ZBTB20: variants seen among roughly 807,000 people sequenced by gnomAD.
ZBTB20 encodes the protein zinc finger and BTB domain-containing protein 20.
A neutral mutation model predicts 56.9 loss-of-function variants in ZBTB20; 9 were observed. The observed-to-expected ratio is 0.16, with a 90% CI of 0.10 to 0.28. The LOEUF (loss-of-function observed/expected upper bound fraction) is 0.28, where lower values mean the gene tolerates loss of function less well. Ranked by LOEUF, ZBTB20 falls within the 10% of genes least tolerant of loss-of-function variation. ZBTB20 has a pLI of 1.00. For synonymous variants in ZBTB20, 417 were observed against 420.7 expected (o/e 0.99, Z 0.11); for missense variants, 655 against 1,003.0 (o/e 0.65, Z 4.69).
chr3:114,842,637 C>T (rs2074432151), intron 4 of ZBTB20, among the ~76,000 whole-genome samples: 1 of 152,122 alleles, frequency 6.6e-6, no homozygotes, highest in Non-Finnish European at 1.5e-5. Flanking sequence ...AGGAACACTT[C>T]TTAGAATAAG....
intron 7 of ZBTB20, among the ~76,000 whole-genome samples, chr3:114,479,376 A>G (rs1237252658): frequency 6.6e-6 from 1 of 152,196 alleles, no homozygotes; most frequent in Non-Finnish European, 1.5e-5. Flanking sequence ...TACTCACACT[A>G]ATATACTCTA....
rs1460931344 is a variant in ZBTB20 at position 114,322,496 on chromosome 3, G to C, written c.*16509C>G. On this transcript the variant is annotated 3_prime_UTR_variant, in exon 12 of 12. Transcript: ENST00000675478. ...TTGCGATCTGAAGATTAAAATCTTT[G>C]GTGACAGAACTGGAGTGGATATGCA... The C allele has an allele frequency of 6.6e-6, 1 of 152,164 alleles. No homozygotes were observed. The highest frequency in any genetic ancestry group is 1.5e-5 in the Non-Finnish European group (1 of 68,042). 9.4% of individuals were successfully genotyped at this position (152,164 alleles called of 1,614,324 possible). A position where few individuals can be genotyped will look rare whatever the true frequency, so the allele number is the denominator to read the frequency against.
At chr3:114,957,509 C>T (rs371301716) in intron 3 of ZBTB20, among the ~76,000 whole-genome samples, 10 of 152,072 alleles carry the variant, frequency 6.6e-5, no homozygotes, top group Admixed American at 6.6e-4. Flanking sequence ...TGTATGAAAA[C>T]CACTGCCGTA....
chr3:114,979,912 TA>T (rs2078263098), intron 2 of ZBTB20, among the ~76,000 whole-genome samples: 1 of 152,042 alleles, frequency 6.6e-6, no homozygotes, highest in African/African-American at 2.4e-5. Flanking sequence ...TTGGTCTGGC[TA>T]AACCCCATAC....
At chr3:114,838,765 A>G (rs370391272) in intron 4 of ZBTB20, among the ~76,000 whole-genome samples, 8 of 152,242 alleles carry the variant, frequency 5.3e-5, no homozygotes, top group African/African-American at 1.4e-4. Context: ...CCTGCCTTGG[A>G]AGGTAGCAAA....
At position 114,571,964 on chromosome 3, in the gene ZBTB20, C is replaced by G. The variant is rs567215867; in HGVS notation, c.-294-71573G>C. On this transcript the variant is annotated intron_variant, in intron 6 of 11. Coordinates refer to ENST00000675478, the MANE Select transcript of ZBTB20 (RefSeq NM_001348800.3). ...CAGTCTTCAAGACATATGTGCAAGT[C>G]CAACTACTTGTCCTGGGAGGCATTA... 3.3e-5 allele frequency among the ~76,000 whole-genome samples: 5 copies of G among 152,276 alleles called. No individual in the cohort carries two copies. The East Asian group carries it at 9.6e-4, about 29-fold the overall frequency.
At chr3:114,939,851 C>G (rs1390926324) in intron 3 of ZBTB20, among the ~76,000 whole-genome samples, 1 of 146,146 alleles carries the variant, frequency 6.8e-6, no homozygotes, top group Admixed American at 6.6e-5. Context: ...CTGGGTGACA[C>G]ACCAAGACCC....
At chr3:115,031,881 G>A (rs1293336549) in intron 2 of ZBTB20, among the ~76,000 whole-genome samples, 1 of 151,396 alleles carries the variant, frequency 6.6e-6, no homozygotes, top group African/African-American at 2.4e-5. Flanking sequence ...GGGCTTAAAT[G>A]TAATAAGTTT....
At chr3:114,551,176 C>T (rs769191954) in intron 6 of ZBTB20, among the ~76,000 whole-genome samples, 4 of 151,994 alleles carry the variant, frequency 2.6e-5, no homozygotes, top group Admixed American at 6.6e-5. Context: ...AAAATATATT[C>T]GATTGAATAT....
chr3:114,640,253 A>G (rs1351536959), intron 6 of ZBTB20, among the ~76,000 whole-genome samples: 1 of 152,020 alleles, frequency 6.6e-6, no homozygotes, highest in African/African-American at 2.4e-5. Context: ...GAAGCTCCCA[A>G]CTACCAAGCT....
intron 5 of ZBTB20, among the ~76,000 whole-genome samples, chr3:114,707,614 A>T (rs1472649051): frequency 6.6e-6 from 1 of 152,168 alleles, no homozygotes; most frequent in Non-Finnish European, 1.5e-5. Flanking sequence ...AAGGACCCTG[A>T]CCTATGAGTG....
At chr3:115,023,742 C>T (rs1424725340) in intron 2 of ZBTB20, among the ~76,000 whole-genome samples, 1 of 150,722 alleles carries the variant, frequency 6.6e-6, no homozygotes, top group African/African-American at 2.4e-5. Context: ...CCTTTTCTTT[C>T]TCTCCTTTTT....
At chr3:115,036,264 GA>G (rs200199638) in intron 2 of ZBTB20, among the ~76,000 whole-genome samples, 4 of 146,686 alleles carry the variant, frequency 2.7e-5, no homozygotes, top group South Asian at 4.3e-4. Flanking sequence ...TAAAAAAGTT[GA>G]AAAAAAAATG....
At chr3:115,124,681 G>A (rs775761560) in intron 1 of ZBTB20, among the ~76,000 whole-genome samples, 2 of 152,088 alleles carry the variant, frequency 1.3e-5, no homozygotes, top group Non-Finnish European at 2.9e-5. Context: ...CTATAAACAG[G>A]CCCTTGCAGA....
intron 4 of ZBTB20, among the ~76,000 whole-genome samples, chr3:114,803,779 G>GT (rs34171249): frequency 0.047 from 6,845 of 144,382 alleles, 405 homozygotes; most frequent in African/African-American, 0.14. Context: ...TCAACTTTCT[G>GT]TTTTTTTTTT....
chr3:114,350,815 C>T lies in ZBTB20; in HGVS notation c.1263G>A (p.Pro421=), dbSNP rs768828042. ...CACCTGTTTCTAGCTGGTTTGTCTG[C>T]GGACCACCCTCAGCGGGGGCTTCTG... ...QAAEAPAEGG[P]QTNQLETGAS... The change falls in exon 11 of 12, where the codon CCG becomes CCA. Residue 421 remains proline (P), a synonymous_variant. Coordinates refer to ENST00000675478, the MANE Select transcript of ZBTB20 (RefSeq NM_001348800.3). 6.2e-6 allele frequency: 10 copies of T among 1,613,558 alleles called. No homozygotes were observed. The highest frequency in any genetic ancestry group is 3.3e-5 in the South Asian group (3 of 91,082).
intron 6 of ZBTB20, among the ~76,000 whole-genome samples, chr3:114,621,034 T>C (rs527827955): frequency 1.3e-5 from 2 of 152,364 alleles, no homozygotes; most frequent in Non-Finnish European, 2.9e-5. Flanking sequence ...ATCATCTGTA[T>C]ATGTACTCAG....
At chr3:114,469,859 C>A (rs188413437) in intron 7 of ZBTB20, among the ~76,000 whole-genome samples, 4 of 152,150 alleles carry the variant, frequency 2.6e-5, no homozygotes, top group Admixed American at 2.0e-4. Context: ...TTGGAAATAT[C>A]ATAATTTTAA....
At chr3:114,485,656 G>A (rs1469973752) in intron 7 of ZBTB20, among the ~76,000 whole-genome samples, 1 of 152,190 alleles carries the variant, frequency 6.6e-6, no homozygotes. Context: ...AAGAGGTGGA[G>A]TCTTTAGGAA....
Sources: allele counts gnomAD v4.1 joint callset (sites outside exome capture counted in the v4.1 genomes callset), GRCh38; gene constraint gnomAD v4.1.1; transcripts MANE v1.5; gene names NCBI Gene and HGNC (gene_info 2026-07-23, HGNC 2026-07-21).